Variants in TSPEAR observed in about 807,000 individuals in gnomAD.
The protein encoded by TSPEAR is thrombospondin type laminin G domain and EAR repeats.
In TSPEAR, 69 loss-of-function variants were observed where a neutral mutation model predicts 71.6. The observed-to-expected ratio is 0.96, with a 90% CI of 0.79 to 1.18. The LOEUF (loss-of-function observed/expected upper bound fraction) is 1.18, where lower values mean the gene tolerates loss of function less well. Ranked by LOEUF, TSPEAR falls within the 50% of genes most tolerant of loss-of-function variation. The pLI is 0.00. For missense variants in TSPEAR, 971 were observed against 894.9 expected (o/e 1.09, Z -1.09); for synonymous variants, 402 against 387.2 (o/e 1.04, Z -0.45).
intron 1 of TSPEAR, chr21:44,677,857 T>C: frequency 7.5e-7 from 1 of 1,330,052 alleles, no homozygotes. Flanking sequence ...GGTATGGTTT[T>C]CTCTACTCTT....
chr21:44,525,276 A>G (rs1364602031), intron 8 of TSPEAR, among the ~76,000 whole-genome samples: 1 of 152,190 alleles, frequency 6.6e-6, no homozygotes, highest in Non-Finnish European at 1.5e-5. Context: ...TCAAGAAGTC[A>G]GGTAATTTAG....
chr21:44,612,273 C>T lies in TSPEAR; in HGVS notation c.83-44268G>A, dbSNP rs1981736034. On this transcript the variant is annotated intron_variant, in intron 1 of 11. Coordinates refer to ENST00000323084, the MANE Select transcript of TSPEAR (RefSeq NM_144991.3). The surrounding 1 kb of genome is among the most constrained non-coding windows in gnomAD (Gnocchi z 4.1). ...TGCTGCGAGCCCCGCTCCTGTGCCT[C>T]CAGCTGCTGTACCCCTAGCTGCTGT... 6.2e-7 allele frequency: 1 copy of T among 1,613,482 alleles called. No individual in the cohort carries two copies. Among genetic ancestry groups the T allele is most frequent in the African/African-American group, 1.3e-5 (1 of 74,918 alleles).
intron 1 of TSPEAR, among the ~76,000 whole-genome samples, chr21:44,578,875 G>C (rs977525861): frequency 1.3e-5 from 2 of 152,174 alleles, no homozygotes; most frequent in East Asian, 3.9e-4. Context: ...CTGCAGGTGC[G>C]GACTCTGGGT....
intron 1 of TSPEAR, among the ~76,000 whole-genome samples, chr21:44,621,581 T>C (rs1982437044): frequency 6.6e-6 from 1 of 152,230 alleles, no homozygotes; most frequent in Admixed American, 6.5e-5. Flanking sequence ...GGGCAGCACA[T>C]ATCATTCCTC....
rs1315488356 is a variant in TSPEAR, at chr21:44,520,555, T to G, written c.1566+1328A>C. On this transcript the variant is annotated intron_variant, in intron 9 of 11. Transcript: ENST00000323084. The surrounding 1 kb of genome is among the most constrained non-coding windows in gnomAD (Gnocchi z 4.2). The stretch of plus-strand genomic sequence containing the variant: ...AATTCTCTGCACGCATTAAGGCGTG[T>G]GATTGGTCCCTGTGAGCCGCGGCTC... 2 of 152,032 alleles carry G rather than the reference T, an allele frequency of 1.3e-5. No homozygotes were observed. The highest frequency in any genetic ancestry group is 2.9e-5 in the Non-Finnish European group (2 of 68,020). 9.4% of individuals were successfully genotyped at this position (152,032 alleles called of 1,614,324 possible). A position where few individuals can be genotyped will look rare whatever the true frequency, so the allele number is the denominator to read the frequency against.
At chr21:44,601,833 C>G (rs1270588448) in intron 1 of TSPEAR, 42 of 1,476,130 alleles carry the variant, frequency 2.8e-5, no homozygotes, top group Non-Finnish European at 3.8e-5. Flanking sequence ...CTCCTAAGCC[C>G]TGCAGTGGAC....
At chr21:44,625,946 C>G (rs150016784) in intron 1 of TSPEAR, among the ~76,000 whole-genome samples, 1 of 152,322 alleles carries the variant, frequency 6.6e-6, no homozygotes, top group Non-Finnish European at 1.5e-5. Flanking sequence ...TTCTTACAAC[C>G]TGGGCAGCAC....
intron 1 of TSPEAR, among the ~76,000 whole-genome samples, chr21:44,670,465 T>G (rs1195752060): frequency 6.6e-6 from 1 of 152,038 alleles, no homozygotes; most frequent in Non-Finnish European, 1.5e-5. Flanking sequence ...ACAGGAAATA[T>G]CTGAGGCACA....
intron 9 of TSPEAR, among the ~76,000 whole-genome samples, chr21:44,513,636 G>GC (rs587606426): frequency 6.6e-6 from 1 of 152,202 alleles, no homozygotes; most frequent in Non-Finnish European, 1.5e-5. Context: ...AGCACCTGGA[G>GC]CCCCCAACAG....
intron 1 of TSPEAR, among the ~76,000 whole-genome samples, chr21:44,645,478 A>C (rs1488619581): frequency 6.6e-6 from 1 of 151,760 alleles, no homozygotes; most frequent in African/African-American, 2.4e-5. Context: ...GCCTCAGCCT[A>C]AGTAGCTGGG....
chr21:44,656,485 A>T (rs1351682054), intron 1 of TSPEAR, among the ~76,000 whole-genome samples: 1 of 152,212 alleles, frequency 6.6e-6, no homozygotes, highest in East Asian at 1.9e-4. Flanking sequence ...ATTTTAAAGA[A>T]GTTGTTCCAT....
At chr21:44,525,629 G>A (rs1307576410) in intron 8 of TSPEAR, 24 bp downstream of exon 8, 4 of 1,610,414 alleles carry the variant, frequency 2.5e-6, no homozygotes, top group Non-Finnish European at 3.4e-6. Context: ...TTGCCTCCCG[G>A]TGTGAAGGCC....
chr21:44,544,281 A>G (rs2053266424), intron 2 of TSPEAR, among the ~76,000 whole-genome samples: 1 of 145,912 alleles, frequency 6.9e-6, no homozygotes, highest in African/African-American at 2.7e-5. Flanking sequence ...TATTATGGCA[A>G]TAGTAATCAT....
chr21:44,622,617 T>C (rs943453061), intron 1 of TSPEAR, among the ~76,000 whole-genome samples: 2 of 152,244 alleles, frequency 1.3e-5, no homozygotes, highest in African/African-American at 2.4e-5. Flanking sequence ...ATCTTTGCCT[T>C]GGCTGTCATA....
intron 5 of TSPEAR, among the ~76,000 whole-genome samples, chr21:44,528,936 A>T (rs587739058): frequency 6.6e-6 from 1 of 152,166 alleles, no homozygotes. Flanking sequence ...CCCTGTTGAC[A>T]GTGGTGTATC....
intron 1 of TSPEAR, chr21:44,600,611 C>T (rs1555928339): frequency 6.2e-6 from 10 of 1,609,120 alleles, no homozygotes; most frequent in Non-Finnish European, 7.6e-6. Context: ...TCCTCCAGTT[C>T]AATCCCCAGC....
intron 1 of TSPEAR, among the ~76,000 whole-genome samples, chr21:44,603,555 G>A (rs1365701094): frequency 6.6e-6 from 1 of 152,172 alleles, no homozygotes; most frequent in Non-Finnish European, 1.5e-5. Flanking sequence ...CGCCCCCCAC[G>A]CCCCGGGTGT....
intron 1 of TSPEAR, among the ~76,000 whole-genome samples, chr21:44,581,193 C>T (rs1341478550): frequency 6.6e-6 from 1 of 152,118 alleles, no homozygotes; most frequent in Non-Finnish European, 1.5e-5. Flanking sequence ...TCCATGCCAC[C>T]CTCAGAGCCC....
chr21:44,623,360 T>C lies in TSPEAR; in HGVS notation c.83-55355A>G, dbSNP rs1329544556. Among the ~76,000 whole-genome samples the C allele has an allele frequency of 6.6e-5, 10 of 152,226 alleles. No homozygotes were observed. Among genetic ancestry groups the C allele is most frequent in the Non-Finnish European group, 8.8e-5 (6 of 68,038 alleles). Reference sequence around the variant, plus strand: ...ATTAGATCTTATATTATTTCCCAGATAGTATAGTGTACTAAGACTGCTTTA... The same window carrying C: ...ATTAGATCTTATATTATTTCCCAGACAGTATAGTGTACTAAGACTGCTTTA... On this transcript the variant is annotated intron_variant, in intron 1 of 11. Coordinates refer to ENST00000323084, the MANE Select transcript of TSPEAR (RefSeq NM_144991.3). The surrounding 1 kb of genome is among the most constrained non-coding windows in gnomAD (Gnocchi z 4.5).
Sources: allele counts gnomAD v4.1 joint callset (sites outside exome capture counted in the v4.1 genomes callset), GRCh38; gene constraint gnomAD v4.1.1; non-coding constraint Gnocchi (gnomAD v3.1); transcripts MANE v1.5; gene names NCBI Gene and HGNC (gene_info 2026-07-23, HGNC 2026-07-21).